Variants in DNAJC5B observed in about 807,000 individuals in gnomAD.
DNAJC5B encodes the protein DnaJ heat shock protein family (Hsp40) member C5 beta.
In DNAJC5B, 23 loss-of-function variants were observed where a neutral mutation model predicts 24.7. The ratio of observed to expected loss-of-function variants is 0.93; its 90% CI spans 0.67 to 1.32. The LOEUF (loss-of-function observed/expected upper bound fraction) is 1.32, where lower values mean the gene tolerates loss of function less well. DNAJC5B is among the 40% of genes most tolerant of loss of function. DNAJC5B has a pLI of 0.00. For missense variants in DNAJC5B, 238 were observed against 240.8 expected, an observed-to-expected ratio of 0.99 and a Z score of 0.08; for synonymous variants, 101 against 90.1, an observed-to-expected ratio of 1.12 and a Z score of -0.68.
rs778013087 is a variant in DNAJC5B, at chr8:66,076,836, T to G, written c.296T>G (p.Val99Gly). ...GCCGAGCAGTTTGGAGACGAAAACG[T>G]TAACACCTACTTCATGCTGTCGAGC... Reference protein sequence around the residue: ...YVAEQFGDENVNTYFMLSSWW... With the variant: ...YVAEQFGDENGNTYFMLSSWW... The change falls in exon 4 of 6, where the codon GTT becomes GGT. Residue 99 changes from valine (V) to glycine (G), a missense_variant. Coordinates refer to ENST00000276570, the MANE Select transcript of DNAJC5B (RefSeq NM_033105.6). 1.9e-6 allele frequency: 3 copies of G among 1,614,112 alleles called. No homozygotes were observed. Among genetic ancestry groups the G allele is most frequent in the Non-Finnish European group, 2.5e-6 (3 of 1,180,004 alleles).
At chr8:66,024,023 A>G (rs1806198214) in intron 1 of DNAJC5B, among the ~76,000 whole-genome samples, 2 of 152,384 alleles carry the variant, frequency 1.3e-5, no homozygotes, top group South Asian at 2.1e-4. Context: ...AAATATAAAT[A>G]GAGACCTAAC....
At chr8:66,043,651 C>A (rs898461783) in intron 2 of DNAJC5B, 40 bp downstream of exon 2, 2 of 152,100 alleles carry the variant, frequency 1.3e-5, no homozygotes, top group African/African-American at 2.4e-5. Flanking sequence ...TCTTTTATTT[C>A]TTTGCACATC....
At chr8:66,056,601 T>C (rs896937123) in intron 3 of DNAJC5B, 11 of 152,198 alleles carry the variant, frequency 7.2e-5, no homozygotes, top group South Asian at 4.1e-4. Context: ...TAGATTGTTA[T>C]TGGAACCACT....
At chr8:66,055,618 CCCTTCTAG>C (rs146623098) in intron 3 of DNAJC5B, among the ~76,000 whole-genome samples, 6,155 of 152,160 alleles carry the variant, frequency 0.04, 414 homozygotes, top group African/African-American at 0.14. Flanking sequence ...TCTTTGTATA[CCCTTCTAG>C]AGAGATCTTA....
intron 5 of DNAJC5B, among the ~76,000 whole-genome samples, chr8:66,082,640 T>C (rs909901694): frequency 5.9e-5 from 9 of 152,190 alleles, no homozygotes; most frequent in African/African-American, 1.9e-4. Flanking sequence ...TGTTAAGAAT[T>C]CTTAACCAAA....
intron 1 of DNAJC5B, among the ~76,000 whole-genome samples, chr8:66,036,500 C>A (rs1254910939): frequency 6.6e-6 from 1 of 152,186 alleles, no homozygotes; most frequent in Non-Finnish European, 1.5e-5. Context: ...GGGCGGCGTC[C>A]TCTCCAGACA....
At chr8:66,083,107 G>T (rs1003188418) in intron 5 of DNAJC5B, among the ~76,000 whole-genome samples, 47 of 150,464 alleles carry the variant, frequency 3.1e-4, no homozygotes, top group African/African-American at 1.1e-3. Flanking sequence ...CGCCTCCCGG[G>T]TTCAAGCAAT....
intron 2 of DNAJC5B, among the ~76,000 whole-genome samples, chr8:66,047,111 C>G (rs1169967331): frequency 6.6e-6 from 1 of 152,206 alleles, no homozygotes; most frequent in African/African-American, 2.4e-5. Flanking sequence ...TTGAGGAAGA[C>G]TTATGTAGGA....
intron 5 of DNAJC5B, among the ~76,000 whole-genome samples, chr8:66,084,223 C>T (rs1416734478): frequency 3.3e-5 from 5 of 152,132 alleles, no homozygotes; most frequent in Admixed American, 1.3e-4. Flanking sequence ...ATGGACTGGA[C>T]TTGCATCTGC....
At chr8:66,080,040 G>C (rs994283652) in intron 4 of DNAJC5B, among the ~76,000 whole-genome samples, 4 of 151,986 alleles carry the variant, frequency 2.6e-5, no homozygotes, top group African/African-American at 9.7e-5. Flanking sequence ...AGGTTTTGTT[G>C]GTTGGTTTTT....
chr8:66,022,387 C>T (rs1475935218), intron 1 of DNAJC5B, among the ~76,000 whole-genome samples: 2 of 152,188 alleles, frequency 1.3e-5, no homozygotes, highest in Non-Finnish European at 2.9e-5. Context: ...ATGGGGCCAG[C>T]GCCAGGCCCT....
chr8:66,032,879 A>G (rs75877929), intron 1 of DNAJC5B, among the ~76,000 whole-genome samples: 8,405 of 152,302 alleles, frequency 0.055, 342 homozygotes, highest in Middle Eastern at 0.11. Context: ...AATCTTGTAT[A>G]AAAGGAGCTC....
chr8:66,036,091 T>C (rs1806478134), intron 1 of DNAJC5B, among the ~76,000 whole-genome samples: 1 of 152,208 alleles, frequency 6.6e-6, no homozygotes, highest in Non-Finnish European at 1.5e-5. Flanking sequence ...GTATTTAAAT[T>C]AAACACCCCA....
intron 5 of DNAJC5B, among the ~76,000 whole-genome samples, chr8:66,097,871 C>T (rs1036541057): frequency 9.2e-5 from 14 of 151,782 alleles, no homozygotes; most frequent in Admixed American, 3.9e-4. Context: ...TTTTTTGAGA[C>T]GGAGTTTCGC....
rs143639816 is a variant in DNAJC5B at position 66,062,593 on chromosome 8, G to A, written c.119+10927G>A. Among the ~76,000 whole-genome samples the A allele has an allele frequency of 5.9e-4, 90 of 152,300 alleles. 1 individual carries two copies. Among genetic ancestry groups the A allele is most frequent in the East Asian group, 5.8e-3 (30 of 5,184 alleles). On this transcript the variant is annotated intron_variant, in intron 3 of 5. Coordinates refer to ENST00000276570, the MANE Select transcript of DNAJC5B (RefSeq NM_033105.6). ...GACTGGTTTCTCTAGCATGTTGGGT[G>A]CAAGAGCCTAACAAAATGCTGGGTA...
chr8:66,085,834 A>C (rs572393700), intron 5 of DNAJC5B, among the ~76,000 whole-genome samples: 9 of 152,050 alleles, frequency 5.9e-5, no homozygotes, highest in Non-Finnish European at 1.3e-4. Context: ...CTACAGAAAA[A>C]TCCTGCTGGG....
rs1417484594 is a variant in DNAJC5B, at chr8:66,100,731, A to G, written c.*700A>G. Among the ~76,000 whole-genome samples the G allele has an allele frequency of 6.6e-6, 1 of 152,216 alleles. No individual in the cohort carries two copies. The highest frequency in any genetic ancestry group is 2.4e-5 in the African/African-American group (1 of 41,450). ...ATTCTGAGCCTGAACCCGCCCCATC[A>G]GCATGTTGATCATTTTCTAGTAAAA... On this transcript the variant is annotated 3_prime_UTR_variant, in exon 6 of 6. Coordinates refer to ENST00000276570, the MANE Select transcript of DNAJC5B (RefSeq NM_033105.6).
intron 2 of DNAJC5B, among the ~76,000 whole-genome samples, chr8:66,050,812 T>C (rs1392102798): frequency 6.6e-6 from 1 of 152,260 alleles, no homozygotes; most frequent in Non-Finnish European, 1.5e-5. Context: ...TTTGAATTAT[T>C]ATGTTGATTT....
At chr8:66,041,434 C>T (rs1357367842) in intron 1 of DNAJC5B, among the ~76,000 whole-genome samples, 1 of 152,180 alleles carries the variant, frequency 6.6e-6, no homozygotes, top group Non-Finnish European at 1.5e-5. Context: ...TAAAATAGCC[C>T]TAACCATATG....
Sources: gnomAD v4.1 joint callset for allele counts (sites outside exome capture counted in the v4.1 genomes callset) on GRCh38, gnomAD v4.1.1 for gene constraint, MANE v1.5 for transcripts, NCBI Gene and HGNC (gene_info 2026-07-23, HGNC 2026-07-21) for gene names.